SLC30A6: variants seen among roughly 807,000 people sequenced by gnomAD.
The protein encoded by SLC30A6 is zinc transporter 6.
SLC30A6 carries 55 observed loss-of-function variants against 63.0 expected under a neutral mutation model. The ratio of observed to expected loss-of-function variants is 0.87; its 90% CI spans 0.70 to 1.09. SLC30A6 has a LOEUF of 1.09. Among genes scored for constraint, SLC30A6 ranks in the 50% least tolerant of loss-of-function variants. The pLI, the probability that SLC30A6 is intolerant of heterozygous loss-of-function variation, is 0.00. For missense variants in SLC30A6, 587 were observed against 549.2 expected (o/e 1.07, Z -0.69); for synonymous variants, 224 against 186.1 (o/e 1.20, Z -1.66).
rs34213571 is a variant in SLC30A6, at chr2:32,214,933, C to T, written c.886-5280C>T. 9.8e-4 allele frequency among the ~76,000 whole-genome samples: 149 copies of T among 152,226 alleles called. 1 individual carries two copies. The highest frequency in any genetic ancestry group is 3.4e-3 in the Middle Eastern group (1 of 294). On this transcript the variant is annotated intron_variant, in intron 13 of 13. Transcript: ENST00000282587. ...AATCAAAGATGACTTGATTTCAAGACGTGGCTTGTCTTAGCTAAAAGTAAT... is the reference window on the plus strand; with the variant it reads ...AATCAAAGATGACTTGATTTCAAGATGTGGCTTGTCTTAGCTAAAAGTAAT...
At chr2:32,186,093 G>A (rs1214894404) in intron 5 of SLC30A6, among the ~76,000 whole-genome samples, 2 of 151,824 alleles carry the variant, frequency 1.3e-5, no homozygotes, top group African/African-American at 4.8e-5. Flanking sequence ...GAAGTGAAGT[G>A]GTGTGATCTT....
rs555893810 is a variant in SLC30A6, at chr2:32,169,546, A to G, written c.4-1741A>G. On this transcript the variant is annotated intron_variant, in intron 1 of 13. Coordinates refer to ENST00000282587, the MANE Select transcript of SLC30A6 (RefSeq NM_017964.5). ...GTAATCCCAGCACTTTGGGAGGCCAAGGCGGGCGGATCACGAGGTCAGGAG... is the reference window on the plus strand; with the variant it reads ...GTAATCCCAGCACTTTGGGAGGCCAGGGCGGGCGGATCACGAGGTCAGGAG... Among the ~76,000 whole-genome samples, 603 of 152,320 alleles carry G rather than the reference A, an allele frequency of 4.0e-3. 7 individuals are homozygous for G. The highest frequency in any genetic ancestry group is 6.4e-3 in the Non-Finnish European group (437 of 68,010).
chr2:32,183,675 G>A (rs1177285483), intron 4 of SLC30A6, among the ~76,000 whole-genome samples: 8 of 132,530 alleles, frequency 6.0e-5, no homozygotes, highest in African/African-American at 2.0e-4. Context: ...GCAACAGAGC[G>A]AGACTCTGTC....
chr2:32,203,674 C>G, intron 10 of SLC30A6: 4 of 1,557,256 alleles, frequency 2.6e-6, no homozygotes, highest in Non-Finnish European at 8.9e-7. Context: ...AATGTGCCTC[C>G]TGAAAGGAAA....
In SLC30A6 at chr2:32,207,293, C is replaced by T. The variant is rs188472584; in HGVS notation, c.816+360C>T. 5.1e-3 allele frequency among the ~76,000 whole-genome samples: 781 copies of T among 152,186 alleles called. 4 individuals carry two copies. Among genetic ancestry groups the T allele is most frequent in the African/African-American group, 0.017 (713 of 41,514 alleles). ...TGGCGCAATCTCAGCTCACTGCAACCTCCACCTCCCAGGCTCAAGCAATTC... is the reference window on the plus strand; with the variant it reads ...TGGCGCAATCTCAGCTCACTGCAACTTCCACCTCCCAGGCTCAAGCAATTC... On this transcript the variant is annotated intron_variant, in intron 12 of 13. Transcript: ENST00000282587.
intron 5 of SLC30A6, among the ~76,000 whole-genome samples, chr2:32,189,281 C>CTTTTTTTTTTTTTTTTTTTT (rs61221362): frequency 1.7e-5 from 2 of 114,872 alleles, no homozygotes; most frequent in Non-Finnish European, 1.7e-5. Flanking sequence ...TTGATACTGT[C>CTTTTTTTTTTTTTTTTTTTT]TTTTTTTTTT....
At chr2:32,198,587 G>A (rs925357874) in intron 10 of SLC30A6, among the ~76,000 whole-genome samples, 1 of 152,076 alleles carries the variant, frequency 6.6e-6, no homozygotes, top group Non-Finnish European at 1.5e-5. Flanking sequence ...ATAATATAGA[G>A]TTGGCTTTTT....
Position 32,188,443 on chromosome 2 carries a change from C to T in SLC30A6, c.285-3893C>T, listed in dbSNP as rs6754687. On this transcript the variant is annotated intron_variant, in intron 5 of 13. Transcript: ENST00000282587. ...GTGTGGTGGCTTATGCCTATAATCCCAGCGCTTTGGGAGGCCGAGGTGGGA... is the reference window on the plus strand; with the variant it reads ...GTGTGGTGGCTTATGCCTATAATCCTAGCGCTTTGGGAGGCCGAGGTGGGA... 5.9e-3 allele frequency among the ~76,000 whole-genome samples: 897 copies of T among 152,262 alleles called. 11 individuals carry two copies. The highest frequency in any genetic ancestry group is 0.02 in the African/African-American group (839 of 41,536).
At chr2:32,168,136 TA>T (rs1680848936) in intron 1 of SLC30A6, among the ~76,000 whole-genome samples, 1 of 152,276 alleles carries the variant, frequency 6.6e-6, no homozygotes, top group East Asian at 1.9e-4. Flanking sequence ...AGGTTTATTT[TA>T]AAGGATATTG....
intron 1 of SLC30A6, among the ~76,000 whole-genome samples, chr2:32,169,594 C>T (rs577179140): frequency 2.0e-4 from 31 of 152,284 alleles, no homozygotes; most frequent in Non-Finnish European, 3.1e-4. Context: ...CTGGCTAACA[C>T]GGTGAAACCC....
chr2:32,208,657 T>C (rs1684993432), intron 12 of SLC30A6, among the ~76,000 whole-genome samples: 1 of 136,440 alleles, frequency 7.3e-6, no homozygotes, highest in Non-Finnish European at 1.6e-5. Flanking sequence ...CAGTGCCGTG[T>C]TCTCTGCTTC....
chr2:32,204,596 T>C lies in SLC30A6; in HGVS notation c.672T>C (p.Tyr224=). 6.2e-7 allele frequency: 1 copy of C among 1,608,686 alleles called. No homozygotes were observed. The highest frequency in any genetic ancestry group is 8.5e-7 in the Non-Finnish European group (1 of 1,176,318). ...ITYMLIEINN[Y]FAVDTASAIA... ...AATTGTTTTTTCCTTTTAGTAATTA[T>C]TTTGCCGTAGACACTGCCTCTGCTA... Residue 224 remains tyrosine (Y), a synonymous_variant, in exon 11 of 14, where the codon TAT becomes TAC. Coordinates refer to ENST00000282587, the MANE Select transcript of SLC30A6 (RefSeq NM_017964.5).
At chr2:32,189,528 C>T (rs537847296) in intron 5 of SLC30A6, among the ~76,000 whole-genome samples, 1 of 148,466 alleles carries the variant, frequency 6.7e-6, no homozygotes, top group African/African-American at 2.5e-5. Flanking sequence ...AACTCCTGAC[C>T]TCAAGTAATC....
chr2:32,209,685 G>A, intron 13 of SLC30A6, 124 bp downstream of exon 13: 2 of 760,578 alleles, frequency 2.6e-6, no homozygotes, highest in South Asian at 4.0e-5. Context: ...GTTAAGCAGA[G>A]TCTAAAATGT....
chr2:32,192,301 G>T lies in SLC30A6; in HGVS notation c.285-35G>T, dbSNP rs761022566. 2.1e-5 allele frequency: 34 copies of T among 1,589,822 alleles called. No individual in the cohort carries two copies. In the Admixed American group the frequency reaches 4.5e-4, roughly 21 times the overall value. On this transcript the variant is annotated intron_variant, in intron 5 of 13. Transcript: ENST00000282587. ...AGAGAGACTGGTTTGTGAATTGAAAGAATTGTGATGATCTAATTAATGTTT... is the reference window on the plus strand; with the variant it reads ...AGAGAGACTGGTTTGTGAATTGAAATAATTGTGATGATCTAATTAATGTTT...
chr2:32,200,323 T>C (rs1438428089), intron 10 of SLC30A6, among the ~76,000 whole-genome samples: 1 of 152,106 alleles, frequency 6.6e-6, no homozygotes, highest in Non-Finnish European at 1.5e-5. Flanking sequence ...AGATAATATA[T>C]TCCTGTTTCA....
intron 10 of SLC30A6, among the ~76,000 whole-genome samples, chr2:32,200,632 T>C (rs983354185): frequency 1.3e-5 from 2 of 151,258 alleles, no homozygotes; most frequent in African/African-American, 4.9e-5. Context: ...AGATGTGCTT[T>C]GTTAAACAGA....
chr2:32,192,380 T>C lies in SLC30A6; in HGVS notation c.329T>C (p.Leu110Ser). The part of the protein sequence containing the change: ...EVLAVFASTV[L>S]AQLGALFILK... ...CTGGCTGTATTTGCCTCCACAGTCT[T>C]GGCACAGTTGGGAGCTCTCTTTATA... The change falls in exon 6 of 14, where the codon TTG becomes TCG. Residue 110 changes from leucine (L) to serine (S), a missense_variant. By Grantham distance (145) the Leu-to-Ser change is moderately radical. Transcript: ENST00000282587. The C allele has an allele frequency of 6.2e-7, 1 of 1,614,056 alleles. No homozygotes were observed. Among genetic ancestry groups the C allele is most frequent in the Non-Finnish European group, 8.5e-7 (1 of 1,179,936 alleles).
rs778526858 is a variant in SLC30A6, at chr2:32,220,746, A to C, written c.*33A>C. The C allele has an allele frequency of 1.3e-6, 2 of 1,560,334 alleles. No individual in the cohort carries two copies. Among genetic ancestry groups the C allele is most frequent in the Non-Finnish European group, 1.7e-6 (2 of 1,153,354 alleles). On this transcript the variant is annotated 3_prime_UTR_variant, in exon 14 of 14. Coordinates refer to ENST00000282587, the MANE Select transcript of SLC30A6 (RefSeq NM_017964.5). ...TAACTTATTTTTATAAGGAATATTG[A>C]CTCCTTGGCTTCCAATTTATTTAGT...
Sources: allele counts gnomAD v4.1 joint callset (sites outside exome capture counted in the v4.1 genomes callset), GRCh38; gene constraint gnomAD v4.1.1; transcripts MANE v1.5; gene names NCBI Gene and HGNC (gene_info 2026-07-23, HGNC 2026-07-21).